PTPRM: variants seen among roughly 807,000 people sequenced by gnomAD.
PTPRM encodes the protein receptor-type tyrosine-protein phosphatase mu.
A neutral mutation model predicts 186.7 loss-of-function variants in PTPRM; 47 were observed. The ratio of observed to expected loss-of-function variants is 0.25; its 90% confidence interval spans 0.20 to 0.32. The LOEUF is 0.32. PTPRM is among the 10% of genes least tolerant of loss of function. PTPRM has a pLI of 1.00. For missense variants in PTPRM, 1,494 were observed against 1,865.0 expected, an observed-to-expected ratio of 0.80 and a Z score of 3.66; for synonymous variants, 668 against 674.9, an observed-to-expected ratio of 0.99 and a Z score of 0.16.
At chr18:7,676,698 C>T (rs962655336) in intron 1 of PTPRM, among the ~76,000 whole-genome samples, 70 of 151,034 alleles carry the variant, frequency 4.6e-4, no homozygotes, top group African/African-American at 1.6e-3. Flanking sequence ...TGCGCGTGCA[C>T]GCGCACGCGC....
intron 3 of PTPRM, among the ~76,000 whole-genome samples, chr18:7,900,316 A>G (rs938757470): frequency 2.0e-5 from 3 of 152,204 alleles, no homozygotes; most frequent in African/African-American, 7.2e-5. Context: ...ATCACAAAAT[A>G]TTCTTCTTTC....
At chr18:8,302,097 G>C (rs572825461) in intron 20 of PTPRM, among the ~76,000 whole-genome samples, 1 of 152,182 alleles carries the variant, frequency 6.6e-6, no homozygotes, top group Admixed American at 6.5e-5. Flanking sequence ...AAGATTTCGT[G>C]GGGGAGAAGG....
Position 7,628,175 on chromosome 18 carries a change from C to T in PTPRM, c.73+60284C>T, listed in dbSNP as rs192787576. 3.3e-5 allele frequency among the ~76,000 whole-genome samples: 5 copies of T among 152,220 alleles called. No homozygotes were observed. The East Asian group carries it at 9.7e-4, about 29-fold the overall frequency. On this transcript the variant is annotated intron_variant, in intron 1 of 32. Coordinates refer to ENST00000580170, the MANE Select transcript of PTPRM (RefSeq NM_001105244.2). ...TCACACACACACACAAACACACATG[C>T]ACGCACACACACACAGGATATGTAT...
chr18:8,033,508 G>A (rs2086128568), intron 7 of PTPRM, among the ~76,000 whole-genome samples: 1 of 152,160 alleles, frequency 6.6e-6, no homozygotes, highest in African/African-American at 2.4e-5. Context: ...TATATGGTGT[G>A]GCCCATTGCT....
chr18:7,705,865 G>A (rs774615452), intron 1 of PTPRM, among the ~76,000 whole-genome samples: 2 of 151,170 alleles, frequency 1.3e-5, no homozygotes, highest in African/African-American at 2.4e-5. Flanking sequence ...AGTTATTTCT[G>A]TGTTTTCAAG....
chr18:7,812,139 A>T (rs528052799), intron 2 of PTPRM, among the ~76,000 whole-genome samples: 1 of 152,236 alleles, frequency 6.6e-6, no homozygotes, highest in Non-Finnish European at 1.5e-5. Flanking sequence ...CTGTGATAAC[A>T]ATATTGGATG....
At chr18:8,375,433 TA>T (rs1436791149) in intron 24 of PTPRM, among the ~76,000 whole-genome samples, 1 of 152,090 alleles carries the variant, frequency 6.6e-6, no homozygotes, top group Non-Finnish European at 1.5e-5. Context: ...GTAAAATATT[TA>T]CCCACATTAA....
At chr18:7,951,964 C>T (rs1451331009) in intron 6 of PTPRM, among the ~76,000 whole-genome samples, 1 of 152,124 alleles carries the variant, frequency 6.6e-6, no homozygotes, top group South Asian at 2.1e-4. Flanking sequence ...GGCCAGCCTC[C>T]CAAATAAAGA....
intron 7 of PTPRM, among the ~76,000 whole-genome samples, chr18:7,978,638 T>C (rs2055122206): frequency 6.6e-6 from 1 of 152,242 alleles, no homozygotes; most frequent in Admixed American, 6.5e-5. Flanking sequence ...CATATAACTT[T>C]TTCTTTTATA....
intron 20 of PTPRM, among the ~76,000 whole-genome samples, chr18:8,300,389 A>G (rs1172591583): frequency 6.6e-6 from 1 of 152,168 alleles, no homozygotes; most frequent in African/African-American, 2.4e-5. Context: ...TGTTGTGGAA[A>G]TGAACAGAAA....
intron 2 of PTPRM, among the ~76,000 whole-genome samples, chr18:7,840,016 C>T (rs941032782): frequency 6.8e-6 from 1 of 147,768 alleles, no homozygotes; most frequent in African/African-American, 2.5e-5. Flanking sequence ...CTCTCCCCAG[C>T]ACACAGAAAT....
At position 8,200,962 on chromosome 18, in the gene PTPRM, TAA is replaced by T. The variant is rs761854874; in HGVS notation, c.2301-43095_2301-43094del. On this transcript the variant is annotated intron_variant, in intron 14 of 32. Transcript: ENST00000580170. ...ATTTGTGTTACTCTAAATGGTAAAA[TAA>T]GTTTTTTCTCCTATTAATTAATATG... Among the ~76,000 whole-genome samples the T allele has an allele frequency of 2.6e-5, 4 of 152,186 alleles. No homozygotes were observed. In the South Asian group the frequency reaches 8.3e-4, roughly 32 times the overall value.
At chr18:7,741,089 C>G (rs1044098666) in intron 1 of PTPRM, among the ~76,000 whole-genome samples, 1 of 152,094 alleles carries the variant, frequency 6.6e-6, no homozygotes, top group Non-Finnish European at 1.5e-5. Flanking sequence ...CTGCTTGGCT[C>G]TGTGTACTGG....
In PTPRM at chr18:8,379,202, G is replaced by A. The variant is rs781177562; in HGVS notation, c.3648G>A (p.Glu1216=). The A allele has an allele frequency of 5.6e-6, 9 of 1,613,296 alleles. No individual in the cohort carries two copies. Among genetic ancestry groups the A allele is most frequent in the Non-Finnish European group, 6.8e-6 (8 of 1,179,586 alleles). The change falls in exon 28 of 33, where the codon GAG becomes GAA. Residue 1216 remains glutamate (E), a synonymous_variant. Transcript: ENST00000580170. The part of the protein sequence containing the change: ...LNMVTPTLRV[E]DCSIALLPRN... ...TGGTGACACCAACGCTGCGAGTAGA[G>A]GACTGCAGCATCGCACTGTTGCCCC...
Position 8,253,380 on chromosome 18 carries a change from G to A in PTPRM, c.2720G>A (p.Cys907Tyr), listed in dbSNP as rs772376069. Reference sequence around the variant, plus strand: ...CTTCAGCACATCACACAGATGAAGTGTGCGGAGGGCTACGGCTTCAAGGAG... The same window carrying A: ...CTTCAGCACATCACACAGATGAAGTATGCGGAGGGCTACGGCTTCAAGGAG... ...DLLQHITQMK[C>Y]AEGYGFKEEY... The change falls in exon 19 of 33, where the codon TGT becomes TAT. Residue 907 changes from cysteine to tyrosine, a missense_variant. Transcript: ENST00000580170. The A allele has an allele frequency of 1.0e-5, 16 of 1,565,262 alleles. No homozygotes were observed. The South Asian group carries it at 1.2e-4, about 12-fold the overall frequency.
At chr18:7,748,988 T>G (rs1314306718) in intron 1 of PTPRM, 1 of 152,242 alleles carries the variant, frequency 6.6e-6, no homozygotes, top group Non-Finnish European at 1.5e-5. Context: ...CCATTGATAT[T>G]TCTTGATTAC....
intron 3 of PTPRM, among the ~76,000 whole-genome samples, chr18:7,892,993 A>G (rs1838034262): frequency 6.6e-6 from 1 of 152,236 alleles, no homozygotes; most frequent in African/African-American, 2.4e-5. Flanking sequence ...CTTGGGGAGT[A>G]CACAAACATT....
intron 2 of PTPRM, among the ~76,000 whole-genome samples, chr18:7,852,913 A>G (rs1395384431): frequency 1.3e-5 from 2 of 152,182 alleles, no homozygotes; most frequent in South Asian, 2.1e-4. Context: ...AGCCTAAACA[A>G]AAGAAAAGCT....
chr18:7,930,474 G>A (rs962621784), intron 5 of PTPRM, among the ~76,000 whole-genome samples: 3 of 152,154 alleles, frequency 2.0e-5, no homozygotes, highest in Non-Finnish European at 4.4e-5. Context: ...TATCTGTTTT[G>A]TAGGAGAGGA....
Sources: allele counts gnomAD v4.1 joint callset (sites outside exome capture counted in the v4.1 genomes callset), GRCh38; gene constraint gnomAD v4.1.1; transcripts MANE v1.5; gene names NCBI Gene and HGNC (gene_info 2026-07-23, HGNC 2026-07-21).